ARHGAP15: variants seen among roughly 807,000 people sequenced by gnomAD.
ARHGAP15 encodes the protein rho GTPase-activating protein 15.
In ARHGAP15, 51 loss-of-function variants were observed where a neutral mutation model predicts 63.7. The ratio of observed to expected loss-of-function variants is 0.80; its 90% confidence interval spans 0.64 to 1.01. ARHGAP15 has a LOEUF of 1.01. Among genes scored for constraint, ARHGAP15 ranks in the 50% least tolerant of loss-of-function variants. The pLI, the probability that ARHGAP15 is intolerant of heterozygous loss-of-function variation, is 0.00. For missense variants in ARHGAP15, 560 were observed against 564.6 expected (o/e 0.99, Z 0.08); for synonymous variants, 191 against 193.8 (o/e 0.99, Z 0.12).
At chr2:143,619,740 G>A (rs1047913133) in intron 11 of ARHGAP15, among the ~76,000 whole-genome samples, 19 of 152,150 alleles carry the variant, frequency 1.2e-4, no homozygotes, top group African/African-American at 4.3e-4. Flanking sequence ...GTTCTCACAA[G>A]ATCTGGCTGT....
At chr2:143,338,463 T>A (rs1427914522) in intron 6 of ARHGAP15, among the ~76,000 whole-genome samples, 1 of 152,186 alleles carries the variant, frequency 6.6e-6, no homozygotes, top group Non-Finnish European at 1.5e-5. Context: ...CAAGCCTATG[T>A]GACATTAAAA....
At chr2:143,183,165 A>C (rs1691305507) in intron 2 of ARHGAP15, among the ~76,000 whole-genome samples, 1 of 152,236 alleles carries the variant, frequency 6.6e-6, no homozygotes, top group Non-Finnish European at 1.5e-5. Context: ...AGATAGTAGA[A>C]GAGAAGGGCC....
At chr2:143,447,033 G>A (rs1040869735) in intron 8 of ARHGAP15, among the ~76,000 whole-genome samples, 1 of 151,926 alleles carries the variant, frequency 6.6e-6, no homozygotes, top group Admixed American at 6.6e-5. Flanking sequence ...ATCATTGTTG[G>A]ACATTTGGGT....
chr2:143,302,113 G>C (rs1418438865), intron 6 of ARHGAP15, among the ~76,000 whole-genome samples: 1 of 151,918 alleles, frequency 6.6e-6, no homozygotes, highest in African/African-American at 2.4e-5. Context: ...TTGTTCACCT[G>C]CCAAATAGAC....
chr2:143,420,383 G>C, intron 6 of ARHGAP15, among the ~76,000 whole-genome samples: 1 of 152,184 alleles, frequency 6.6e-6, no homozygotes, highest in Non-Finnish European at 1.5e-5. Flanking sequence ...CAGAAGAATT[G>C]AGATAGCTGG....
intron 12 of ARHGAP15, among the ~76,000 whole-genome samples, chr2:143,645,409 GAATT>G (rs1264087545): frequency 1.3e-5 from 2 of 151,960 alleles, no homozygotes; most frequent in East Asian, 1.9e-4. Context: ...CTTGAAGCTT[GAATT>G]AATTAATTAT....
chr2:143,260,245 T>A (rs1345386095), intron 6 of ARHGAP15, among the ~76,000 whole-genome samples: 1 of 152,172 alleles, frequency 6.6e-6, no homozygotes, highest in East Asian at 1.9e-4. Context: ...TAAGAAATTT[T>A]GATGATTCTC....
intron 6 of ARHGAP15, among the ~76,000 whole-genome samples, chr2:143,368,607 A>G (rs1247646796): frequency 1.3e-5 from 2 of 152,054 alleles, no homozygotes; most frequent in Non-Finnish European, 2.9e-5. Context: ...TGGTAAAATA[A>G]TAATATCAAT....
intron 12 of ARHGAP15, among the ~76,000 whole-genome samples, chr2:143,679,314 C>A (rs1447016079): frequency 2.0e-5 from 3 of 152,106 alleles, no homozygotes; most frequent in African/African-American, 7.2e-5. Flanking sequence ...ACTTAATAAC[C>A]CATAAGACAA....
chr2:143,747,840 T>C (rs1312704442), intron 13 of ARHGAP15, among the ~76,000 whole-genome samples: 1 of 152,236 alleles, frequency 6.6e-6, no homozygotes, highest in African/African-American at 2.4e-5. Flanking sequence ...TTTTTAAACT[T>C]AAGTTTTTAA....
In ARHGAP15 at chr2:143,704,920, C is replaced by T. The variant is rs1684257327; in HGVS notation, c.1244+1396C>T. 2.6e-5 allele frequency among the ~76,000 whole-genome samples: 4 copies of T among 152,132 alleles called. No homozygotes were observed. The South Asian group carries it at 6.2e-4, about 24-fold the overall frequency. ...TTTACATTTAAAAACTGAAATCTGC[C>T]TACCACTCTTAGCCTGCTGAACAGA... is the stretch of plus-strand genomic sequence containing the variant. On this transcript the variant is annotated intron_variant, in intron 13 of 13. Coordinates refer to ENST00000295095, the MANE Select transcript of ARHGAP15 (RefSeq NM_018460.4).
At chr2:143,351,126 A>G (rs1300854451) in intron 6 of ARHGAP15, 3 of 152,196 alleles carry the variant, frequency 2.0e-5, no homozygotes, top group African/African-American at 7.2e-5. Flanking sequence ...CCGTATGCAC[A>G]AAGTATGCTT....
intron 13 of ARHGAP15, among the ~76,000 whole-genome samples, chr2:143,711,174 T>A (rs560995124): frequency 6.6e-6 from 1 of 152,266 alleles, no homozygotes; most frequent in Admixed American, 6.5e-5. Flanking sequence ...GCCAAAAATA[T>A]TTACCATCTG....
At chr2:143,542,811 T>C (rs1196797070) in intron 10 of ARHGAP15, among the ~76,000 whole-genome samples, 1 of 122,832 alleles carries the variant, frequency 8.1e-6, no homozygotes, top group Admixed American at 9.4e-5. Context: ...ATAGTATATA[T>C]ATGATATATA....
At chr2:143,667,606 AAAG>A (rs1199554437) in intron 12 of ARHGAP15, among the ~76,000 whole-genome samples, 7 of 150,730 alleles carry the variant, frequency 4.6e-5, no homozygotes, top group South Asian at 2.1e-4. Flanking sequence ...AAAAAAAAGA[AAAG>A]AAGTGCTCAA....
chr2:143,676,897 A>T (rs977949044), intron 12 of ARHGAP15, among the ~76,000 whole-genome samples: 1 of 152,148 alleles, frequency 6.6e-6, no homozygotes, highest in South Asian at 2.1e-4. Context: ...AAACAAAAAA[A>T]CCCTCAATAT....
At chr2:143,319,349 C>A (rs762817761) in intron 6 of ARHGAP15, among the ~76,000 whole-genome samples, 1 of 151,768 alleles carries the variant, frequency 6.6e-6, no homozygotes, top group African/African-American at 2.4e-5. Context: ...CTCAGCCTCC[C>A]GAGTAGCTGG....
chr2:143,663,742 C>CA (rs1165387100), intron 12 of ARHGAP15, among the ~76,000 whole-genome samples: 4 of 150,046 alleles, frequency 2.7e-5, no homozygotes, highest in Admixed American at 2.0e-4. Context: ...AAATGGAAAA[C>CA]AAAAAAAGGC....
intron 12 of ARHGAP15, among the ~76,000 whole-genome samples, chr2:143,692,286 T>G (rs892353190): frequency 6.6e-6 from 1 of 152,144 alleles, no homozygotes; most frequent in Non-Finnish European, 1.5e-5. Context: ...TCACAGACAT[T>G]AAAACTATGG....
Sources: gnomAD v4.1 joint callset for allele counts (sites outside exome capture counted in the v4.1 genomes callset) on GRCh38, gnomAD v4.1.1 for gene constraint, MANE v1.5 for transcripts, NCBI Gene and HGNC (gene_info 2026-07-23, HGNC 2026-07-21) for gene names.